The following NAV3 variants were observed in gnomAD, a reference collection of about 807,000 sequenced individuals.
The protein encoded by NAV3 is pore membrane and/or filament interacting like protein 1.
In NAV3, 87 loss-of-function variants were observed where a neutral mutation model predicts 244.7. That is an observed-to-expected ratio of 0.36 (90% CI 0.30 to 0.42). The LOEUF (loss-of-function observed/expected upper bound fraction) is 0.42. Among genes scored for constraint, NAV3 ranks in the 20% least tolerant of loss-of-function variants. The pLI is 1.00. For missense variants in NAV3, 2,663 were observed against 2,893.3 expected, an observed-to-expected ratio of 0.92 and a Z score of 1.83; for synonymous variants, 1,126 against 1,042.2, an observed-to-expected ratio of 1.08 and a Z score of -1.55.
intron 1 of NAV3, among the ~76,000 whole-genome samples, chr12:77,874,272 G>A (rs1592856539): frequency 6.6e-6 from 1 of 152,048 alleles, no homozygotes. Context: ...AGGTTGGAGT[G>A]CAGTGCTGCA....
At chr12:77,692,401 A>G (rs1453087866) in intron 2 of NAV3, among the ~76,000 whole-genome samples, 1 of 152,108 alleles carries the variant, frequency 6.6e-6, no homozygotes, top group Non-Finnish European at 1.5e-5. Flanking sequence ...GCTTTATTCC[A>G]TTAAGGAAAT....
In NAV3 at chr12:78,007,352, G is replaced by C. The variant is rs764928227; in HGVS notation, c.1814G>C (p.Ser605Thr). 11 of 1,614,082 alleles carry C rather than the reference G, an allele frequency of 6.8e-6. No homozygotes were observed. Among genetic ancestry groups the C allele is most frequent in the South Asian group, 1.1e-5 (1 of 91,092 alleles). Residue 605 changes from serine (S) to threonine (T), a missense_variant, in exon 8 of 40, where the codon AGT (serine) becomes ACT (threonine). Around this residue, in one of 6 missense-constraint regions of NAV3, gnomAD observed 1,521 missense variants for 1,497.0 expected, o/e 1.02. Transcript: ENST00000397909. ...TGTACCATGACAGTGGCACAAAGCA[G>C]TGGGCAGAGCACAGGAAATGGTGCT... ...GSCTMTVAQS[S>T]GQSTGNGAVQ...
intron 1 of NAV3, among the ~76,000 whole-genome samples, chr12:77,883,194 C>T (rs1882876760): frequency 6.6e-6 from 1 of 152,108 alleles, no homozygotes; most frequent in Non-Finnish European, 1.5e-5. Context: ...CCTAAGAACA[C>T]AGAATGTCCA....
chr12:78,114,272 G>A (rs1315604959), intron 12 of NAV3, among the ~76,000 whole-genome samples: 1 of 152,072 alleles, frequency 6.6e-6, no homozygotes, highest in Admixed American at 6.6e-5. Context: ...TCCAACTTCT[G>A]CCTGTTACCC....
chr12:77,971,485 T>C (rs1427334583), intron 5 of NAV3, among the ~76,000 whole-genome samples: 1 of 152,104 alleles, frequency 6.6e-6, no homozygotes, highest in African/African-American at 2.4e-5. Flanking sequence ...TATATAGATT[T>C]AGTGTATCAC....
chr12:77,994,203 T>C (rs960970017), intron 5 of NAV3, among the ~76,000 whole-genome samples: 3 of 152,258 alleles, frequency 2.0e-5, no homozygotes, highest in African/African-American at 7.2e-5. Flanking sequence ...CTTTAATTTC[T>C]GTTTTTATAT....
rs771462001 is a variant in NAV3 at position 78,175,299 on chromosome 12, T to C, written c.4982-7T>C. On this transcript the variant is annotated splice_polypyrimidine_tract_variant and splice_region_variant and intron_variant, in intron 24 of 39. Transcript: ENST00000397909. The stretch of plus-strand genomic sequence containing the variant: ...GAGCCGATGTGATACTCTCCCTCTA[T>C]TGCTAGATCTTCGCATCAGAAGACA... 6.2e-7 allele frequency: 1 copy of C among 1,609,910 alleles called. No homozygotes were observed.
At chr12:77,624,760 A>G (rs1292828575) in intron 2 of NAV3, among the ~76,000 whole-genome samples, 1 of 152,202 alleles carries the variant, frequency 6.6e-6, no homozygotes, top group African/African-American at 2.4e-5. Flanking sequence ...ATTGACATTA[A>G]CCATCAGATT....
chr12:78,025,074 A>G (rs1351114332), intron 9 of NAV3, among the ~76,000 whole-genome samples: 5 of 152,098 alleles, frequency 3.3e-5, no homozygotes, highest in African/African-American at 1.2e-4. Context: ...CATGCTGTAA[A>G]AAGAGTACGG....
intron 2 of NAV3, among the ~76,000 whole-genome samples, chr12:77,789,867 CA>C (rs34514171): frequency 0.57 from 81,569 of 143,700 alleles, 22,749 homozygotes; most frequent in South Asian, 0.7. Context: ...AAAAAATTCA[CA>C]AAAAAAGTCT....
chr12:77,867,387 C>G (rs1880210533), intron 1 of NAV3, among the ~76,000 whole-genome samples: 1 of 151,638 alleles, frequency 6.6e-6, no homozygotes, highest in African/African-American at 2.4e-5. Flanking sequence ...TATAAATTAC[C>G]CAGTCTCAGG....
At chr12:78,035,203 A>G (rs1879649757) in intron 9 of NAV3, among the ~76,000 whole-genome samples, 1 of 152,222 alleles carries the variant, frequency 6.6e-6, no homozygotes, top group African/African-American at 2.4e-5. Flanking sequence ...GAGATTGGCA[A>G]TAGGAGGTAG....
chr12:77,586,812 T>TTGGATGG (rs1237547298), intron 2 of NAV3, among the ~76,000 whole-genome samples: 1 of 152,188 alleles, frequency 6.6e-6, no homozygotes, highest in East Asian at 1.9e-4. Flanking sequence ...GGCTGTTATG[T>TTGGATGG]TGGACAGCAC....
intron 1 of NAV3, among the ~76,000 whole-genome samples, chr12:77,879,202 G>A (rs1019355635): frequency 1.2e-4 from 19 of 152,130 alleles, no homozygotes; most frequent in African/African-American, 4.6e-4. Context: ...GCTCAAAAAT[G>A]TCTCCTGTAC....
intron 1 of NAV3, among the ~76,000 whole-genome samples, chr12:77,887,970 C>T (rs915777449): frequency 3.2e-4 from 48 of 149,922 alleles, no homozygotes; most frequent in Admixed American, 2.3e-3. Flanking sequence ...GGGAATAGAT[C>T]GAATGTTACA....
intron 12 of NAV3, among the ~76,000 whole-genome samples, chr12:78,107,736 A>G (rs1214881869): frequency 6.6e-6 from 1 of 152,148 alleles, no homozygotes; most frequent in Non-Finnish European, 1.5e-5. Flanking sequence ...TGGACCTACA[A>G]TAAATGCTCA....
At chr12:78,096,897 T>A (rs1005042362) in intron 12 of NAV3, among the ~76,000 whole-genome samples, 1 of 152,192 alleles carries the variant, frequency 6.6e-6, no homozygotes, top group Non-Finnish European at 1.5e-5. Flanking sequence ...CTCAGTGACC[T>A]CTCTCTGCCT....
At chr12:77,880,155 T>G (rs907325698) in intron 1 of NAV3, among the ~76,000 whole-genome samples, 1 of 152,174 alleles carries the variant, frequency 6.6e-6, no homozygotes, top group Non-Finnish European at 1.5e-5. Context: ...CCAAATGGCA[T>G]GTGATAAAAA....
At chr12:77,790,876 G>A (rs10745622) in intron 2 of NAV3, among the ~76,000 whole-genome samples, 148,517 of 152,200 alleles carry the variant, frequency 0.98, 72,575 homozygotes, top group East Asian at 1. Flanking sequence ...ACTGAGGTCT[G>A]TGTATCTTCA....
Sources: gnomAD v4.1 joint callset for allele counts (sites outside exome capture counted in the v4.1 genomes callset) on GRCh38, gnomAD v4.1.1 for gene constraint, gnomAD v4.1.1 regional missense constraint, MANE v1.5 for transcripts, NCBI Gene and HGNC (gene_info 2026-07-23, HGNC 2026-07-21) for gene names.